SSBP2: variants seen among roughly 807,000 people sequenced by gnomAD.
SSBP2 encodes single stranded DNA binding protein 2.
In SSBP2, 17 loss-of-function variants were observed where a neutral mutation model predicts 61.8. The observed-to-expected ratio is 0.28, with a 90% confidence interval of 0.19 to 0.41. The LOEUF is 0.41. Ranked by LOEUF, SSBP2 falls within the 10% of genes least tolerant of loss-of-function variation. The pLI is 1.00. For synonymous variants in SSBP2, 139 were observed against 141.3 expected (o/e 0.98, Z 0.12); for missense variants, 310 against 458.7 (o/e 0.68, Z 2.96).
intron 4 of SSBP2, among the ~76,000 whole-genome samples, chr5:81,608,550 A>T (rs921828597): frequency 6.6e-6 from 1 of 152,164 alleles, no homozygotes; most frequent in Non-Finnish European, 1.5e-5. Context: ...GGAAAACCTA[A>T]ATTTTCATGG....
At chr5:81,521,100 G>A (rs1245209002) in intron 4 of SSBP2, among the ~76,000 whole-genome samples, 3 of 151,924 alleles carry the variant, frequency 2.0e-5, no homozygotes, top group Admixed American at 1.3e-4. Context: ...TGCATCTAAT[G>A]AGATGTCCTT....
At chr5:81,558,912 G>A (rs1465890601) in intron 4 of SSBP2, among the ~76,000 whole-genome samples, 5 of 152,130 alleles carry the variant, frequency 3.3e-5, no homozygotes, top group African/African-American at 9.7e-5. Context: ...ACTTATCAGA[G>A]GAACATCTAA....
At chr5:81,528,544 C>G (rs1411404971) in intron 4 of SSBP2, among the ~76,000 whole-genome samples, 1 of 152,004 alleles carries the variant, frequency 6.6e-6, no homozygotes, top group Non-Finnish European at 1.5e-5. Flanking sequence ...AATTTGACTA[C>G]TGTAACATGC....
At chr5:81,682,506 AG>A (rs1339379259) in intron 1 of SSBP2, among the ~76,000 whole-genome samples, 15 of 152,202 alleles carry the variant, frequency 9.9e-5, no homozygotes, top group African/African-American at 3.4e-4. Flanking sequence ...TGAGTAACCT[AG>A]AAATAGAGGG....
chr5:81,600,465 G>A (rs1184348298), intron 4 of SSBP2, among the ~76,000 whole-genome samples: 2 of 151,036 alleles, frequency 1.3e-5, no homozygotes, highest in Non-Finnish European at 2.9e-5. Context: ...AGGAGGCTGA[G>A]GCAGAAGAAT....
intron 5 of SSBP2, among the ~76,000 whole-genome samples, chr5:81,490,810 T>C (rs531645006): frequency 4.6e-5 from 7 of 152,356 alleles, no homozygotes; most frequent in Admixed American, 3.3e-4. Flanking sequence ...TGTTCTTATA[T>C]GTAAAAGTGC....
At chr5:81,696,580 T>C (rs1336738198) in intron 1 of SSBP2, among the ~76,000 whole-genome samples, 3 of 152,252 alleles carry the variant, frequency 2.0e-5, no homozygotes, top group Non-Finnish European at 2.9e-5. Context: ...AAACTCATTC[T>C]GAAAGACAAT....
rs996949943 is a variant in SSBP2, at chr5:81,716,515, G to A, written c.62+34466C>T. Among the ~76,000 whole-genome samples the A allele has an allele frequency of 2.0e-5, 3 of 152,218 alleles. No individual in the cohort carries two copies. In the South Asian group the frequency reaches 6.2e-4, roughly 32 times the overall value. The stretch of plus-strand genomic sequence containing the variant: ...TAAATTATTAATATATTGCAGCACT[G>A]CCTTTGAATTTTTGCCATACACACA... On this transcript the variant is annotated intron_variant, in intron 1 of 16. Transcript: ENST00000320672.
chr5:81,733,752 T>A (rs2153999592), intron 1 of SSBP2, among the ~76,000 whole-genome samples: 1 of 152,322 alleles, frequency 6.6e-6, no homozygotes, highest in South Asian at 2.1e-4. Flanking sequence ...TCTTTCTCAG[T>A]ACAGTGGCTG....
chr5:81,751,300 C>T, upstream of SSBP2: 2 of 568,820 alleles, frequency 3.5e-6, no homozygotes, highest in Non-Finnish European at 6.3e-6. Context: ...GACTCCCTCC[C>T]TCCCGCCTTC....
At chr5:81,491,108 T>C (rs1766822539) in intron 5 of SSBP2, among the ~76,000 whole-genome samples, 1 of 152,224 alleles carries the variant, frequency 6.6e-6, no homozygotes, top group Admixed American at 6.5e-5. Flanking sequence ...CCTATGAAGC[T>C]GTCTTTTTAA....
At chr5:81,720,257 C>T (rs1755456625) in intron 1 of SSBP2, among the ~76,000 whole-genome samples, 1 of 152,106 alleles carries the variant, frequency 6.6e-6, no homozygotes, top group Non-Finnish European at 1.5e-5. Flanking sequence ...AGAAGCACTA[C>T]CAATCCTACC....
chr5:81,513,644 G>T lies in SSBP2; in HGVS notation c.356C>A (p.Pro119Gln). 1 of 1,610,464 alleles carries T rather than the reference G, an allele frequency of 6.2e-7. No homozygotes were observed. Among genetic ancestry groups the T allele is most frequent in the South Asian group, 1.1e-5 (1 of 90,946 alleles). ...TCTGAGTACCTGAAAGAACCCTGGT[G>T]GTACAGGACCTACTGGCATGCCATC... The change falls in exon 5 of 17, where the codon CCA becomes CAA. Residue 119 changes from proline to glutamine, a missense_variant. By Grantham distance (76) the Pro-to-Gln change is moderately conservative. Coordinates refer to ENST00000320672, the MANE Select transcript of SSBP2 (RefSeq NM_012446.5).
intron 4 of SSBP2, among the ~76,000 whole-genome samples, chr5:81,514,209 C>A (rs149034564): frequency 6.6e-6 from 1 of 151,632 alleles, no homozygotes; most frequent in Non-Finnish European, 1.5e-5. Context: ...GGTGGCAACA[C>A]TCATATTATT....
rs1325809449 is a variant in SSBP2, at chr5:81,415,807, G to A, written c.*4697C>T. On this transcript the variant is annotated 3_prime_UTR_variant, in exon 17 of 17. Transcript: ENST00000320672. ...AGCACCTGTAGTCCCAGCCACTCGG[G>A]AGGCTGAGGCAGGAGAATTGCATGA... 1 of 151,648 alleles carries A rather than the reference G, an allele frequency of 6.6e-6. No homozygotes were observed. Among genetic ancestry groups the A allele is most frequent in the Non-Finnish European group, 1.5e-5 (1 of 68,216 alleles). The allele number at this position is 151,648 out of a possible 1,614,324, so 9.4% of individuals were successfully genotyped here. A position where few individuals can be genotyped will look rare whatever the true frequency, so the allele number is the denominator to read the frequency against.
chr5:81,509,520 CTGA>C (rs1768432607), intron 5 of SSBP2, among the ~76,000 whole-genome samples: 1 of 152,156 alleles, frequency 6.6e-6, no homozygotes, highest in East Asian at 1.9e-4. Context: ...GAAACCAATG[CTGA>C]TATTTAGGAC....
chr5:81,538,278 A>G (rs1223472549), intron 4 of SSBP2, among the ~76,000 whole-genome samples: 1 of 152,226 alleles, frequency 6.6e-6, no homozygotes, highest in Non-Finnish European at 1.5e-5. Context: ...CATTTCCTTA[A>G]GCCAAAGCCG....
chr5:81,748,305 C>T (rs560016467), intron 1 of SSBP2, among the ~76,000 whole-genome samples: 1 of 152,126 alleles, frequency 6.6e-6, no homozygotes, highest in Non-Finnish European at 1.5e-5. Context: ...AATTTGCTTA[C>T]TAAAGGAGAA....
chr5:81,457,205 G>A (rs1429645413), intron 10 of SSBP2, among the ~76,000 whole-genome samples: 2 of 152,018 alleles, frequency 1.3e-5, no homozygotes, highest in East Asian at 3.9e-4. Context: ...ATGGGGACAT[G>A]TTAAAAGGTT....
Sources: gnomAD v4.1 joint callset for allele counts (sites outside exome capture counted in the v4.1 genomes callset) on GRCh38, gnomAD v4.1.1 for gene constraint, MANE v1.5 for transcripts, NCBI Gene and HGNC (gene_info 2026-07-23, HGNC 2026-07-21) for gene names.